WDR49: variants seen among roughly 807,000 people sequenced by gnomAD.
WDR49 encodes the protein WD repeat domain 49.
Under a neutral mutation model 119.5 loss-of-function variants are expected in WDR49, and 107 were observed. That is an observed-to-expected ratio of 0.90 (90% confidence interval 0.77 to 1.05). WDR49 has a LOEUF of 1.05. WDR49 is among the 50% of genes least tolerant of loss of function. The pLI is 0.00. For missense variants in WDR49, 1,240 were observed against 1,220.5 expected, an observed-to-expected ratio of 1.02 and a Z score of -0.24; for synonymous variants, 425 against 418.8, an observed-to-expected ratio of 1.01 and a Z score of -0.18.
At chr3:167,620,113 T>C (rs1325029331) in intron 5 of WDR49, among the ~76,000 whole-genome samples, 1 of 152,116 alleles carries the variant, frequency 6.6e-6, no homozygotes, top group African/African-American at 2.4e-5. Context: ...TGAATGTAAC[T>C]AGATGAGATT....
At chr3:167,500,330 G>T (rs369507013) in intron 17 of WDR49, 31 bp from the exon 18 acceptor site, 2 of 1,597,682 alleles carry the variant, frequency 1.3e-6, no homozygotes, top group Non-Finnish European at 1.7e-6. Flanking sequence ...GAGGAAGACA[G>T]GGAGAAAAAG....
chr3:167,545,501 AT>A lies in WDR49; in HGVS notation c.1824-8502del, dbSNP rs1441792111. On this transcript the variant is annotated intron_variant, in intron 10 of 18. Coordinates refer to ENST00000682715, the MANE Select transcript of WDR49 (RefSeq NM_001366157.1). ...AAAATGTACCATATATATATTATAT[AT>A]TATATATTATATATATATATATGCA... 2.3e-5 allele frequency among the ~76,000 whole-genome samples: 3 copies of A among 129,462 alleles called. No homozygotes were observed. In the East Asian group the frequency reaches 6.0e-4, roughly 26 times the overall value. The allele number at this position is 129,462 out of a possible 152,430, so 84.9% of individuals were successfully genotyped here. A position where few individuals can be genotyped will look rare whatever the true frequency, so the allele number is the denominator to read the frequency against.
chr3:167,632,280 C>T (rs1251237964), intron 2 of WDR49, among the ~76,000 whole-genome samples: 1 of 151,978 alleles, frequency 6.6e-6, no homozygotes, highest in Non-Finnish European at 1.5e-5. Context: ...TTCTTTTTTA[C>T]ATTTAAGAAT....
intron 5 of WDR49, among the ~76,000 whole-genome samples, chr3:167,615,332 C>T (rs978711329): frequency 1.3e-5 from 2 of 151,772 alleles, no homozygotes; most frequent in African/African-American, 4.8e-5. Context: ...GACAGGGTTT[C>T]ACCATGTTGC....
chr3:167,645,294 T>G (rs1290413053), intron 2 of WDR49, among the ~76,000 whole-genome samples: 1 of 152,102 alleles, frequency 6.6e-6, no homozygotes, highest in East Asian at 1.9e-4. Flanking sequence ...CACTGCAACC[T>G]TCACCTCCCG....
intron 18 of WDR49, among the ~76,000 whole-genome samples, chr3:167,499,929 G>T (rs1751495036): frequency 6.6e-6 from 1 of 152,106 alleles, no homozygotes; most frequent in African/African-American, 2.4e-5. Flanking sequence ...TTCAGAAAAG[G>T]AACAAAATAA....
In WDR49 at chr3:167,500,106, G is replaced by A. The variant is rs754884560; in HGVS notation, c.3031+47C>T. The A allele has an allele frequency of 2.0e-6, 3 of 1,481,292 alleles. No individual in the cohort carries two copies. In the African/African-American group the frequency reaches 4.4e-5, roughly 22 times the overall value. The allele number at this position is 1,481,292 out of a possible 1,614,324, so 91.8% of individuals were successfully genotyped here. On this transcript the variant is annotated intron_variant, in intron 18 of 18. Coordinates refer to ENST00000682715, the MANE Select transcript of WDR49 (RefSeq NM_001366157.1). Reference sequence around the variant, plus strand: ...TTCTACTCTATTTTTAAATGACTAAGTTTCCTGAAGAGGGATAATAGAGGT... The same window carrying A: ...TTCTACTCTATTTTTAAATGACTAAATTTCCTGAAGAGGGATAATAGAGGT...
intron 15 of WDR49, among the ~76,000 whole-genome samples, chr3:167,525,347 T>C (rs540240772): frequency 1.8e-4 from 28 of 152,276 alleles, no homozygotes; most frequent in East Asian, 7.7e-4. Flanking sequence ...TCACGTTGTA[T>C]GCAAACAGAG....
intron 11 of WDR49, 122 bp downstream of exon 11, chr3:167,536,748 T>C (rs567847151): frequency 1.7e-3 from 538 of 325,530 alleles, no homozygotes; most frequent in Non-Finnish European, 2.2e-3. Flanking sequence ...CACACACACA[T>C]ACATATACAT....
At chr3:167,575,848 T>C (rs1015841082) in intron 8 of WDR49, 70 bp downstream of exon 8, 6 of 1,488,750 alleles carry the variant, frequency 4.0e-6, no homozygotes, top group South Asian at 3.7e-5. Flanking sequence ...TACCTTAAAC[T>C]GAATTAAGTA....
intron 6 of WDR49, among the ~76,000 whole-genome samples, chr3:167,603,601 A>G (rs1234351555): frequency 6.6e-6 from 1 of 152,150 alleles, no homozygotes; most frequent in East Asian, 1.9e-4. Flanking sequence ...TATGCTCTGT[A>G]ACTACCCTAT....
intron 16 of WDR49, among the ~76,000 whole-genome samples, chr3:167,506,362 G>A (rs1392560825): frequency 6.6e-6 from 1 of 152,080 alleles, no homozygotes; most frequent in Admixed American, 6.6e-5. Flanking sequence ...TCAGAAATGT[G>A]CCTAATAAAT....
intron 5 of WDR49, among the ~76,000 whole-genome samples, chr3:167,609,402 C>A (rs1196782985): frequency 1.3e-5 from 2 of 152,032 alleles, no homozygotes; most frequent in Non-Finnish European, 2.9e-5. Context: ...GGAGAGAGAG[C>A]AGAGCAATTA....
upstream of WDR49, among the ~76,000 whole-genome samples, chr3:167,657,478 C>T (rs1054213906): frequency 2.0e-5 from 3 of 152,034 alleles, no homozygotes; most frequent in African/African-American, 7.2e-5. Context: ...CTCAGAGACA[C>T]ATGTCTGAGC....
chr3:167,481,131 C>T (rs943445109), intron 18 of WDR49, among the ~76,000 whole-genome samples: 3 of 149,892 alleles, frequency 2.0e-5, no homozygotes, highest in Admixed American at 2.0e-4. Flanking sequence ...AAAATGAACA[C>T]AGCATGAACA....
At chr3:167,531,447 A>G (rs138141481) in intron 12 of WDR49, among the ~76,000 whole-genome samples, 168 bp from the exon 13 acceptor site, 5 of 152,186 alleles carry the variant, frequency 3.3e-5, no homozygotes, top group African/African-American at 1.2e-4. Flanking sequence ...CTCAACCCCA[A>G]CTTGAAGAAT....
chr3:167,541,204 C>A (rs142382877), intron 10 of WDR49, among the ~76,000 whole-genome samples: 2 of 152,194 alleles, frequency 1.3e-5, no homozygotes, highest in Admixed American at 6.6e-5. Flanking sequence ...TCAAAGAACA[C>A]CTGGGAAATT....
intron 6 of WDR49, 99 bp downstream of exon 6, chr3:167,604,197 TCTATA>T (rs1715921513): frequency 3.0e-6 from 4 of 1,335,682 alleles, no homozygotes; most frequent in Middle Eastern, 2.0e-4. Context: ...CGAGATGGTC[TCTATA>T]GCAATACAGC....
At chr3:167,630,566 A>T (rs1717326649) in intron 2 of WDR49, among the ~76,000 whole-genome samples, 1 of 152,132 alleles carries the variant, frequency 6.6e-6, no homozygotes, top group African/African-American at 2.4e-5. Flanking sequence ...TAGTGAAGCC[A>T]GTAAAATTAC....
Sources: gnomAD v4.1 joint callset for allele counts (sites outside exome capture counted in the v4.1 genomes callset) on GRCh38, gnomAD v4.1.1 for gene constraint, MANE v1.5 for transcripts, NCBI Gene and HGNC (gene_info 2026-07-23, HGNC 2026-07-21) for gene names.